TMEM145: variants seen among roughly 807,000 people sequenced by gnomAD.
TMEM145 encodes the protein transmembrane protein 145.
TMEM145 carries 46 observed loss-of-function variants against 68.5 expected under a neutral mutation model. The ratio of observed to expected loss-of-function variants is 0.67; its 90% CI spans 0.53 to 0.86. The LOEUF (loss-of-function observed/expected upper bound fraction) is 0.86. Ranked by LOEUF, TMEM145 falls within the 40% of genes least tolerant of loss-of-function variation. TMEM145 has a pLI of 0.00. For synonymous variants in TMEM145, 255 were observed against 280.2 expected, an observed-to-expected ratio of 0.91 and a Z score of 0.90; for missense variants, 570 against 645.8, an observed-to-expected ratio of 0.88 and a Z score of 1.27.
intron 8 of TMEM145, among the ~76,000 whole-genome samples, chr19:42,315,979 G>A (rs974690830): frequency 2.6e-5 from 4 of 152,172 alleles, no homozygotes; most frequent in African/African-American, 9.6e-5. Context: ...GCAGTGAGCC[G>A]AGATCACGCC....
intron 13 of TMEM145, 132 bp from the exon 14 acceptor site, chr19:42,323,451 T>G: frequency 1.2e-6 from 1 of 842,468 alleles, no homozygotes; most frequent in South Asian, 1.6e-5. Flanking sequence ...AGGGGACGCC[T>G]AATCCAGTGT....
At chr19:42,322,916 G>T (rs902258472) in intron 13 of TMEM145, among the ~76,000 whole-genome samples, 2 of 152,172 alleles carry the variant, frequency 1.3e-5, no homozygotes, top group Non-Finnish European at 1.5e-5. Context: ...GGCCATGCTG[G>T]TCTCAAACTC....
Position 42,314,665 on chromosome 19 carries a change from A to C in TMEM145, c.326A>C (p.Asn109Thr). The C allele has an allele frequency of 6.2e-7, 1 of 1,614,014 alleles. No homozygotes were observed. Among genetic ancestry groups the C allele is most frequent in the Non-Finnish European group, 8.5e-7 (1 of 1,179,990 alleles). Residue 109 changes from asparagine (N) to threonine (T), a missense_variant, in exon 4 of 15, where the codon AAC becomes ACC. Asn to Thr is a moderately conservative substitution (Grantham distance 65). Transcript: ENST00000301204. Reference sequence around the variant, plus strand: ...CGGCCGGAGAACAACCAGGTCATCAACCTCACCACCCAGTATGCCTGGTCC... The same window carrying C: ...CGGCCGGAGAACAACCAGGTCATCACCCTCACCACCCAGTATGCCTGGTCC... ...VIRPENNQVI[N>T]LTTQYAWSGC...
At chr19:42,314,898 G>A in intron 5 of TMEM145, 47 bp downstream of exon 5, 1 of 1,614,146 alleles carries the variant, frequency 6.2e-7, no homozygotes, top group Non-Finnish European at 8.5e-7. Flanking sequence ...TGTGGGGTAA[G>A]GGGCTGGGGT....
At chr19:42,324,134 C>T in intron 14 of TMEM145, 1 of 584,302 alleles carries the variant, frequency 1.7e-6, no homozygotes, top group Non-Finnish European at 2.2e-6. Context: ...TGCCCAGGCG[C>T]CCCGCCACCC....
rs1293456897 is a variant in TMEM145 at position 42,323,797 on chromosome 19, C to T, written c.1401+8C>T. The T allele has an allele frequency of 6.2e-7, 1 of 1,613,254 alleles. No individual in the cohort carries two copies. The highest frequency in any genetic ancestry group is 8.5e-7 in the Non-Finnish European group (1 of 1,179,472). Reference sequence around the variant, plus strand: ...CCCCCGCCCGCCACCTCCGTAAGCCCCGCGGCCCCAGCGCCCGAGGAGCTG... The same window carrying T: ...CCCCCGCCCGCCACCTCCGTAAGCCTCGCGGCCCCAGCGCCCGAGGAGCTG... On this transcript the variant is annotated splice_region_variant and intron_variant, in intron 14 of 14. Transcript: ENST00000301204.
chr19:42,324,253 C>T, intron 14 of TMEM145: 2 of 985,012 alleles, frequency 2.0e-6, no homozygotes, highest in Non-Finnish European at 2.4e-6. Flanking sequence ...TCCCGGACGG[C>T]CTCTGACCCT....
chr19:42,321,116 C>G, intron 13 of TMEM145: 1 of 398,898 alleles, frequency 2.5e-6, no homozygotes, highest in Non-Finnish European at 4.4e-6. Flanking sequence ...TCCCCCTGCC[C>G]CTGCCCAAAT....
intron 8 of TMEM145, among the ~76,000 whole-genome samples, chr19:42,316,206 GGT>G (rs1282309912): frequency 4.7e-5 from 7 of 148,396 alleles, no homozygotes; most frequent in South Asian, 2.2e-4. Context: ...AGGAGGAGGG[GGT>G]GGGGGCCTGG....
chr19:42,323,096 C>A (rs543045407), intron 13 of TMEM145, among the ~76,000 whole-genome samples: 1 of 152,156 alleles, frequency 6.6e-6, no homozygotes, highest in Non-Finnish European at 1.5e-5. Context: ...CCTGCCTCAT[C>A]GAGACATTTT....
intron 1 of TMEM145, 32 bp from the exon 2 acceptor site, chr19:42,314,240 C>G: frequency 6.2e-7 from 1 of 1,612,644 alleles, no homozygotes; most frequent in Non-Finnish European, 8.5e-7. Flanking sequence ...TTGAAGGACT[C>G]AGCGGAGGGT....
At chr19:42,323,554 C>T (rs1363388171) in intron 13 of TMEM145, 29 bp from the exon 14 acceptor site, 2 of 1,611,084 alleles carry the variant, frequency 1.2e-6, no homozygotes, top group Non-Finnish European at 1.7e-6. Context: ...GACAGTGCCT[C>T]TCACACCTGC....
intron 14 of TMEM145, 111 bp from the exon 15 acceptor site, chr19:42,324,626 T>A: frequency 9.2e-7 from 1 of 1,087,492 alleles, no homozygotes; most frequent in Admixed American, 5.9e-5. Context: ...ATCCCCGGCC[T>A]TCCCGACCCT....
Position 42,317,743 on chromosome 19 carries a change from A to C in TMEM145, c.935A>C (p.Glu312Ala), listed in dbSNP as rs1392141186. The C allele has an allele frequency of 1.1e-5, 18 of 1,614,038 alleles. No homozygotes were observed. Among genetic ancestry groups the C allele is most frequent in the Admixed American group, 1.7e-5 (1 of 60,002 alleles). Reference sequence around the variant, plus strand: ...CCAGGCCAGGTACTGTACACGTATGAGTCGCCGGCCGGCTACGGGCTCATT... The same window carrying C: ...CCAGGCCAGGTACTGTACACGTATGCGTCGCCGGCCGGCTACGGGCTCATT... Reference protein sequence around the residue: ...FDPGQVLYTYESPAGYGLIGL... With the variant: ...FDPGQVLYTYASPAGYGLIGL... Residue 312 changes from glutamate (E) to alanine (A), a missense_variant, in exon 12 of 15, where the codon GAG (glutamate) becomes GCG (alanine). Transcript: ENST00000301204.
At chr19:42,316,582 G>A (rs1161879523) in intron 9 of TMEM145, 21 bp downstream of exon 9, 1 of 1,613,674 alleles carries the variant, frequency 6.2e-7, no homozygotes, top group Non-Finnish European at 8.5e-7. Context: ...AGCTGGGTGG[G>A]GAGAGGGTGG....
At position 42,317,660 on chromosome 19, in the gene TMEM145, A is replaced by G. The variant is rs768649908; in HGVS notation, c.901-49A>G. ...CCAGGGGTGGGGTCCGGGGACCCTA[A>G]TAGAGGGGAGGAGGCCAGGCTGTGA... is the stretch of plus-strand genomic sequence containing the variant. On this transcript the variant is annotated intron_variant, in intron 11 of 14. Transcript: ENST00000301204. The G allele has an allele frequency of 2.5e-6, 4 of 1,606,216 alleles. No homozygotes were observed. The African/African-American group carries it at 5.3e-5, about 21-fold the overall frequency.
Position 42,313,741 on chromosome 19 carries a change from C to G in TMEM145, c.120+245C>G, listed in dbSNP as rs2038826183. Among the ~76,000 whole-genome samples the G allele has an allele frequency of 6.6e-6, 1 of 151,804 alleles. No individual in the cohort carries two copies. Among genetic ancestry groups the G allele is most frequent in the Admixed American group, 6.6e-5 (1 of 15,238 alleles). On this transcript the variant is annotated intron_variant, in intron 1 of 14. Coordinates refer to ENST00000301204, the MANE Select transcript of TMEM145 (RefSeq NM_173633.3). This position sits in a 1 kb window ranked among gnomAD's most constrained non-coding sequence, Gnocchi z 5.1. ...GTCAGAGCTGAGCGGGGAGGGGGAG[C>G]GGGTTGGGAGAGTCAGAGTTTGGGA... is the stretch of plus-strand genomic sequence containing the variant.
intron 14 of TMEM145, chr19:42,324,149 C>A (rs2038943143): frequency 1.4e-6 from 1 of 705,270 alleles, no homozygotes; most frequent in Non-Finnish European, 1.7e-6. Flanking sequence ...CCACCCAGTC[C>A]TTCCCTGACT....
chr19:42,321,271 C>T, intron 13 of TMEM145: 1 of 394,928 alleles, frequency 2.5e-6, no homozygotes, highest in Non-Finnish European at 4.5e-6. Flanking sequence ...TGTCACTAGG[C>T]TGGAGTGCAG....
Sources: allele counts gnomAD v4.1 joint callset (sites outside exome capture counted in the v4.1 genomes callset), GRCh38; gene constraint gnomAD v4.1.1; non-coding constraint Gnocchi (gnomAD v3.1); transcripts MANE v1.5; gene names NCBI Gene and HGNC (gene_info 2026-07-23, HGNC 2026-07-21).